The following ZNF487 variants were observed in gnomAD, a reference collection of about 807,000 sequenced individuals.
ZNF487 encodes KRAB domain only 1.
A neutral mutation model predicts 3.0 loss-of-function variants in ZNF487; 4 were observed. The ratio of observed to expected loss-of-function variants is 1.35; its 90% CI spans 0.66 to 3.08. ZNF487 has a LOEUF of 3.08. Among genes scored for constraint, ZNF487 ranks in the 30% most tolerant of loss-of-function variants. ZNF487 has a pLI of 0.01. For synonymous variants in ZNF487, 55 were observed against 34.6 expected (o/e 1.59, Z -2.06); for missense variants, 146 against 98.7 (o/e 1.48, Z -2.03).
At chr10:43,480,045 T>TCCTTGC (rs1841288416) in intron 3 of ZNF487, among the ~76,000 whole-genome samples, 1 of 20,766 alleles carries the variant, frequency 4.8e-5, no homozygotes. Flanking sequence ...CTTTCTTTCT[T>TCCTTGC]TTTCTTTCTT....
the ZNF487 span, among the ~76,000 whole-genome samples, chr10:43,519,753 C>T: frequency 8.9e-4 from 136 of 152,324 alleles, 2 homozygotes; most frequent in Admixed American, 8.1e-3. Flanking sequence ...GCGTGAGCCA[C>T]TGTGCCTGGC....
At chr10:43,518,116 TCA>T in the ZNF487 span, among the ~76,000 whole-genome samples, 1 of 152,172 alleles carries the variant, frequency 6.6e-6, no homozygotes, top group South Asian at 2.1e-4. Flanking sequence ...ATCTCTTGCC[TCA>T]CAGATACCCA....
chr10:43,455,779 G>A (rs564155105), intron 1 of ZNF487, among the ~76,000 whole-genome samples: 1 of 152,366 alleles, frequency 6.6e-6, no homozygotes, highest in South Asian at 2.1e-4. Flanking sequence ...CCTTTGGCGC[G>A]TAGGAGACAG....
rs1246995114 is a variant in ZNF487, at chr10:43,482,358, G to C, written c.*436G>C. ...TGTAGTGAATGTGGGAAAACCTTCA[G>C]CCATAAATCCTCTTTTATCCTACAG... is the stretch of plus-strand genomic sequence containing the variant. On this transcript the variant is annotated 3_prime_UTR_variant, in exon 4 of 4. Coordinates refer to ENST00000437590, the MANE Select transcript of ZNF487 (RefSeq NM_001355444.3). The C allele has an allele frequency of 2.2e-6, 1 of 451,222 alleles. No homozygotes were observed. Among genetic ancestry groups the C allele is most frequent in the Admixed American group, 2.5e-5 (1 of 39,838 alleles). 28.0% of individuals were successfully genotyped at this position (451,222 alleles called of 1,614,324 possible). A position where few individuals can be genotyped will look rare whatever the true frequency, so the allele number is the denominator to read the frequency against.
At chr10:43,492,742 A>G in the ZNF487 span, among the ~76,000 whole-genome samples, 1 of 152,150 alleles carries the variant, frequency 6.6e-6, no homozygotes, top group Non-Finnish European at 1.5e-5. Context: ...TTAAAAATAA[A>G]TTTAATGTGT....
At chr10:43,463,712 C>CT (rs146195685) in intron 1 of ZNF487, among the ~76,000 whole-genome samples, 6 of 143,454 alleles carry the variant, frequency 4.2e-5, no homozygotes, top group African/African-American at 1.5e-4. Flanking sequence ...TTCTTTCTTT[C>CT]TTTTTTTTTT....
At position 43,455,011 on chromosome 10, in the gene ZNF487, C is replaced by CTT. The variant is rs754096470; in HGVS notation, c.-94+17764_-94+17765dup. 2.7e-4 allele frequency among the ~76,000 whole-genome samples: 35 copies of CTT among 128,472 alleles called. 1 individual carries two copies. The highest frequency in any genetic ancestry group is 3.3e-4 in the Non-Finnish European group (20 of 61,476). The allele number at this position is 128,472 out of a possible 152,430, so 84.3% of individuals were successfully genotyped here. A position where few individuals can be genotyped will look rare whatever the true frequency, so the allele number is the denominator to read the frequency against. On this transcript the variant is annotated intron_variant, in intron 1 of 3. Coordinates refer to ENST00000437590, the MANE Select transcript of ZNF487 (RefSeq NM_001355444.3). ...GATAGTCGTTTTCTTTTAGTTTGCACTTTTTTTTTTTTTTTTGGAGACAGT... is the reference window on the plus strand; with the variant it reads ...GATAGTCGTTTTCTTTTAGTTTGCACTTTTTTTTTTTTTTTTTTGGAGACAGT...
chr10:43,488,095 C>G (rs1841485637), downstream of ZNF487, among the ~76,000 whole-genome samples: 1 of 151,058 alleles, frequency 6.6e-6, no homozygotes, highest in Non-Finnish European at 1.5e-5. Flanking sequence ...GAGCAAGACC[C>G]TGTCTCAAAA....
At chr10:43,497,378 G>A in the ZNF487 span, among the ~76,000 whole-genome samples, 14 of 152,292 alleles carry the variant, frequency 9.2e-5, no homozygotes, top group African/African-American at 2.2e-4. Context: ...AATGTGAGCC[G>A]TGTAGTTTCT....
In ZNF487 at chr10:43,461,009, AT is replaced by A. The variant is rs145079351; in HGVS notation, c.-93-14698del. The stretch of plus-strand genomic sequence containing the variant: ...ACACCCGGCCTCTTCTAATATCTTA[AT>A]TTTTTTTTTTTTTGAGACAGAGTTT... On this transcript the variant is annotated intron_variant, in intron 1 of 3. Transcript: ENST00000437590. Among the ~76,000 whole-genome samples, 286 of 141,998 alleles carry A rather than the reference AT, an allele frequency of 2.0e-3. 1 individual carries two copies. Among genetic ancestry groups the A allele is most frequent in the East Asian group, 0.014 (66 of 4,728 alleles). 93.2% of individuals were successfully genotyped at this position (141,998 alleles called of 152,430 possible). A position where few individuals can be genotyped will look rare whatever the true frequency, so the allele number is the denominator to read the frequency against.
chr10:43,462,599 G>T (rs930605574), intron 1 of ZNF487, among the ~76,000 whole-genome samples: 1 of 149,010 alleles, frequency 6.7e-6, no homozygotes, highest in African/African-American at 2.5e-5. Context: ...GGGACTACAG[G>T]TGTGCACCAC....
At chr10:43,514,236 G>C in the ZNF487 span, among the ~76,000 whole-genome samples, 1 of 152,170 alleles carries the variant, frequency 6.6e-6, no homozygotes, top group African/African-American at 2.4e-5. Context: ...CACTTCCTGG[G>C]TTCAAGCAAT....
the ZNF487 span, among the ~76,000 whole-genome samples, chr10:43,519,071 C>A: frequency 6.6e-6 from 1 of 151,312 alleles, no homozygotes; most frequent in Middle Eastern, 3.4e-3. Flanking sequence ...CACTTTAAAT[C>A]TTCTAGCTCT....
chr10:43,451,982 C>G (rs1564415366), intron 1 of ZNF487: 1 of 152,308 alleles, frequency 6.6e-6, no homozygotes, highest in East Asian at 1.9e-4. Flanking sequence ...GCTGGCTCTG[C>G]GAGGAGCAGG....
At chr10:43,465,008 C>T (rs1435977190) in intron 1 of ZNF487, among the ~76,000 whole-genome samples, 18 of 141,646 alleles carry the variant, frequency 1.3e-4, no homozygotes, top group East Asian at 1.2e-3. Flanking sequence ...CTGACCCCCC[C>T]ACCTCCCTCC....
chr10:43,512,739 G>T, the ZNF487 span, among the ~76,000 whole-genome samples: 6 of 152,194 alleles, frequency 3.9e-5, no homozygotes, highest in African/African-American at 1.2e-4. Context: ...CTATTGCAGA[G>T]CATTCTTCTG....
chr10:43,476,127 G>C lies in ZNF487; in HGVS notation c.55G>C (p.Glu19Gln), dbSNP rs1381539047. ...CACAGGATATTGCATTACCAAACCA[G>C]AGGTGGTTTGCAAGTTGGAGCATGG... is the stretch of plus-strand genomic sequence containing the variant. Reference protein sequence around the residue: ...LSVGYCITKPEVVCKLEHGQV... With the variant: ...LSVGYCITKPQVVCKLEHGQV... The change falls in exon 3 of 4, where the codon GAG (glutamate) becomes CAG (glutamine). Residue 19 changes from glutamate to glutamine, a missense_variant. By Grantham distance (29) the Glu-to-Gln change is conservative (BLOSUM62 2). Transcript: ENST00000437590. 3 of 717,384 alleles carry C rather than the reference G, an allele frequency of 4.2e-6. No homozygotes were observed. The highest frequency in any genetic ancestry group is 7.8e-6 in the Non-Finnish European group (3 of 385,110). The allele number at this position is 717,384 out of a possible 1,614,324, so 44.4% of individuals were successfully genotyped here.
the ZNF487 span, among the ~76,000 whole-genome samples, chr10:43,493,705 AAAAAATATAT>A: frequency 2.5e-4 from 18 of 73,208 alleles, no homozygotes; most frequent in Middle Eastern, 6.0e-3. Flanking sequence ...GAAAAAAAAA[AAAAAATATAT>A]ATATATATAT....
chr10:43,493,687 C>CAAAAAAAA, the ZNF487 span, among the ~76,000 whole-genome samples: 19 of 13,490 alleles, frequency 1.4e-3, no homozygotes, highest in East Asian at 2.4e-3. Flanking sequence ...GACCCTTCCT[C>CAAAAAAAA]AAAAAAAGAA....
Sources: gnomAD v4.1 joint callset for allele counts (sites outside exome capture counted in the v4.1 genomes callset) on GRCh38, gnomAD v4.1.1 for gene constraint, MANE v1.5 for transcripts, NCBI Gene and HGNC (gene_info 2026-07-23, HGNC 2026-07-21) for gene names.